The following DPF3 variants were observed in gnomAD, a reference collection of about 807,000 sequenced individuals.
DPF3 encodes the protein zinc finger protein DPF3.
Under a neutral mutation model 56.8 loss-of-function variants are expected in DPF3, and 18 were observed. The observed-to-expected ratio is 0.32, with a 90% CI of 0.22 to 0.47. The LOEUF is 0.47. DPF3 is among the 20% of genes least tolerant of loss of function. DPF3 has a pLI of 1.00. For synonymous variants in DPF3, 188 were observed against 180.2 expected, an observed-to-expected ratio of 1.04 and a Z score of -0.35; for missense variants, 403 against 488.8, an observed-to-expected ratio of 0.82 and a Z score of 1.65.
intron 3 of DPF3, among the ~76,000 whole-genome samples, chr14:72,749,364 C>T (rs747573705): frequency 2.6e-5 from 4 of 152,324 alleles, no homozygotes; most frequent in African/African-American, 7.2e-5. Context: ...AGTGCCTGTA[C>T]CCCCATTGTA....
chr14:72,629,934 A>G (rs1318825279), intron 8 of DPF3, among the ~76,000 whole-genome samples, 198 bp from the exon 9 acceptor site: 1 of 152,148 alleles, frequency 6.6e-6, no homozygotes, highest in African/African-American at 2.4e-5. Flanking sequence ...CAAAACAGAG[A>G]TATAAGCACA....
chr14:72,697,131 G>A (rs766695049), intron 6 of DPF3, among the ~76,000 whole-genome samples: 3 of 152,190 alleles, frequency 2.0e-5, no homozygotes, highest in African/African-American at 7.2e-5. Context: ...TCTTCATGAA[G>A]AGCCCTCTGG....
intron 3 of DPF3, 35 bp from the exon 4 acceptor site, chr14:72,731,969 C>T (rs1175106685): frequency 6.4e-7 from 1 of 1,557,706 alleles, no homozygotes. Flanking sequence ...GGTCAGGCCA[C>T]TAGAAGCAGG....
chr14:72,861,836 T>C (rs1332969819), intron 1 of DPF3, among the ~76,000 whole-genome samples: 2 of 151,378 alleles, frequency 1.3e-5, no homozygotes, highest in Admixed American at 6.6e-5. Context: ...GCATTTTCAA[T>C]TTTTCTTACT....
intron 1 of DPF3, among the ~76,000 whole-genome samples, chr14:72,827,224 T>C (rs1431045633): frequency 6.6e-6 from 1 of 152,006 alleles, no homozygotes; most frequent in Admixed American, 6.6e-5. Flanking sequence ...GAGAAGAAAG[T>C]GGAACACACA....
At chr14:72,834,127 G>A (rs763421829) in intron 1 of DPF3, among the ~76,000 whole-genome samples, 3 of 151,658 alleles carry the variant, frequency 2.0e-5, no homozygotes, top group Admixed American at 6.6e-5. Context: ...GCCGTGAGCC[G>A]AGACTGCGCC....
At chr14:72,862,350 C>G (rs1885473170) in intron 1 of DPF3, among the ~76,000 whole-genome samples, 1 of 152,194 alleles carries the variant, frequency 6.6e-6, no homozygotes, top group African/African-American at 2.4e-5. Context: ...AATCCACCGT[C>G]TCATCTTCCA....
chr14:72,819,539 T>A (rs989702562), intron 1 of DPF3, among the ~76,000 whole-genome samples: 6 of 151,166 alleles, frequency 4.0e-5, no homozygotes, highest in African/African-American at 1.2e-4. Flanking sequence ...TGCATTGGTA[T>A]CAGGACTGAA....
chr14:72,613,919 C>T lies in DPF3; in HGVS notation c.*5378G>A, dbSNP rs1883913373. Among the ~76,000 whole-genome samples, 1 of 152,150 alleles carries T rather than the reference C, an allele frequency of 6.6e-6. No homozygotes were observed. The highest frequency in any genetic ancestry group is 2.4e-5 in the African/African-American group (1 of 41,436). On this transcript the variant is annotated 3_prime_UTR_variant, in exon 11 of 11. Coordinates refer to ENST00000556509, the MANE Select transcript of DPF3 (RefSeq NM_001280542.3). Reference sequence around the variant, plus strand: ...CGCTCTGCCTGGGAGGTTGTCTATCCTCCCACATCCCGGGTGCCCAGCAGG... The same window carrying T: ...CGCTCTGCCTGGGAGGTTGTCTATCTTCCCACATCCCGGGTGCCCAGCAGG...
At chr14:72,703,799 CA>C (rs1888288727) in intron 6 of DPF3, among the ~76,000 whole-genome samples, 1 of 152,222 alleles carries the variant, frequency 6.6e-6, no homozygotes. Context: ...ACATGTTCAA[CA>C]AACATCAGCT....
chr14:72,749,975 C>G (rs1287134699), intron 3 of DPF3, among the ~76,000 whole-genome samples: 1 of 152,112 alleles, frequency 6.6e-6, no homozygotes, highest in Non-Finnish European at 1.5e-5. Context: ...GCCAGATAAA[C>G]CCTGGGATTT....
rs1477576106 is a variant in DPF3 at position 72,643,539 on chromosome 14, G to A, written c.872-13803C>T. Among the ~76,000 whole-genome samples the A allele has an allele frequency of 7.2e-5, 11 of 152,354 alleles. No individual in the cohort carries two copies. In the East Asian group the frequency reaches 1.9e-3, roughly 27 times the overall value. ...AAGTAGGTCAGCAGCCTATGGTGGT[G>A]TTACTGGGCTTCGGCTCCTGACAGA... On this transcript the variant is annotated intron_variant, in intron 8 of 10. Transcript: ENST00000556509.
chr14:72,694,030 A>G (rs1887806814), intron 6 of DPF3, among the ~76,000 whole-genome samples: 1 of 152,206 alleles, frequency 6.6e-6, no homozygotes, highest in Non-Finnish European at 1.5e-5. Flanking sequence ...CAAATGGGGC[A>G]GTTTGAGCCA....
At chr14:72,756,037 G>T (rs956627439) in intron 2 of DPF3, among the ~76,000 whole-genome samples, 2 of 152,076 alleles carry the variant, frequency 1.3e-5, no homozygotes, top group Admixed American at 1.3e-4. Flanking sequence ...ATGGAGGTGG[G>T]GAAGGAGGAT....
At chr14:72,814,834 A>G (rs944878369) in intron 1 of DPF3, among the ~76,000 whole-genome samples, 1 of 152,172 alleles carries the variant, frequency 6.6e-6, no homozygotes, top group East Asian at 1.9e-4. Flanking sequence ...AATTAACTCG[A>G]CATGGATCGT....
At chr14:72,663,823 C>G (rs1270308198) in intron 8 of DPF3, among the ~76,000 whole-genome samples, 1 of 152,062 alleles carries the variant, frequency 6.6e-6, no homozygotes, top group Non-Finnish European at 1.5e-5. Flanking sequence ...AGCAGCTCAG[C>G]CTCTTCCAAG....
chr14:72,661,612 C>T (rs1020591371), intron 8 of DPF3: 11 of 985,370 alleles, frequency 1.1e-5, no homozygotes, highest in Non-Finnish European at 1.3e-5. Flanking sequence ...TCGGCCAAAA[C>T]GCCCACTTCC....
At chr14:72,694,378 T>G (rs1370118703) in intron 6 of DPF3, among the ~76,000 whole-genome samples, 1 of 152,224 alleles carries the variant, frequency 6.6e-6, no homozygotes, top group Non-Finnish European at 1.5e-5. Flanking sequence ...TGTGCTGACA[T>G]GACCACGTCA....
rs754337953 is a variant in DPF3 at position 72,714,936 on chromosome 14, C to T, written c.526-435G>A. Among the ~76,000 whole-genome samples the T allele has an allele frequency of 1.2e-4, 19 of 152,190 alleles. 1 individual carries two copies. Among genetic ancestry groups the T allele is most frequent in the Non-Finnish European group, 2.4e-4 (16 of 68,030 alleles). On this transcript the variant is annotated intron_variant, in intron 5 of 10. Transcript: ENST00000556509. ...CACTGACACAGCTGAGGTTGACAAC[C>T]CCAGGCCCCTCAGCAGACCAGCTGA...
Sources: gnomAD v4.1 joint callset for allele counts (sites outside exome capture counted in the v4.1 genomes callset) on GRCh38, gnomAD v4.1.1 for gene constraint, MANE v1.5 for transcripts, NCBI Gene and HGNC (gene_info 2026-07-23, HGNC 2026-07-21) for gene names.